Variants in MARS1 observed in about 807,000 individuals in gnomAD.
MARS1 encodes the protein methionyl-tRNA synthetase 1.
MARS1 carries 80 observed loss-of-function variants against 119.5 expected under a neutral mutation model. The ratio of observed to expected loss-of-function variants is 0.67; its 90% confidence interval spans 0.56 to 0.81. MARS1 has a LOEUF of 0.81. Among genes scored for constraint, MARS1 ranks in the 30% least tolerant of loss-of-function variants. MARS1 has a pLI of 0.00. For missense variants in MARS1, 945 were observed against 1,116.5 expected (o/e 0.85, Z 2.19); for synonymous variants, 418 against 433.4 (o/e 0.96, Z 0.44).
At chr12:57,488,867 C>G (rs1875686883) in intron 1 of MARS1, 152 bp from the exon 2 acceptor site, 1 of 766,826 alleles carries the variant, frequency 1.3e-6, no homozygotes, top group African/African-American at 1.8e-5. Flanking sequence ...CCGGACCACC[C>G]CCTTTCAGTG....
intron 11 of MARS1, among the ~76,000 whole-genome samples, chr12:57,507,784 G>A (rs1191244432): frequency 4.1e-4 from 62 of 150,148 alleles, no homozygotes; most frequent in Admixed American, 3.3e-3. Flanking sequence ...CGGACGGGGC[G>A]GCTGGCCGGG....
At chr12:57,505,005 C>T (rs1877115341) in intron 11 of MARS1, among the ~76,000 whole-genome samples, 1 of 151,134 alleles carries the variant, frequency 6.6e-6, no homozygotes, top group Non-Finnish European at 1.5e-5. Context: ...CACTGGGCCA[C>T]CTGACTAATT....
chr12:57,509,659 C>T (rs569015385), intron 11 of MARS1, among the ~76,000 whole-genome samples: 2 of 152,056 alleles, frequency 1.3e-5, no homozygotes, highest in Non-Finnish European at 2.9e-5. Flanking sequence ...ATCTGCCTGC[C>T]TTGGCCTCCC....
At position 57,498,179 on chromosome 12, in the gene MARS1, A is replaced by C. The variant is rs748222969; in HGVS notation, c.793A>C (p.Asn265His). The change falls in exon 8 of 21, where the codon AAT becomes CAT. Residue 265 changes from asparagine (N) to histidine (H), a missense_variant. Asn to His is a moderately conservative substitution (Grantham distance 68). Transcript: ENST00000262027. Reference sequence around the variant, plus strand: ...TAGGTTGCCTGTGGCTGGAGAAAGGAATGTGCTCATCACCAGTGCCCTCCC... The same window carrying C: ...TAGGTTGCCTGTGGCTGGAGAAAGGCATGTGCTCATCACCAGTGCCCTCCC... The part of the protein sequence containing the change: ...NPVLPVAGER[N>H]VLITSALPYV... 2 of 1,613,956 alleles carry C rather than the reference A, an allele frequency of 1.2e-6. No homozygotes were observed. The highest frequency in any genetic ancestry group is 1.7e-5 in the Admixed American group (1 of 60,006).
chr12:57,496,310 C>T (rs557385813), intron 7 of MARS1, among the ~76,000 whole-genome samples: 11 of 151,602 alleles, frequency 7.3e-5, no homozygotes, highest in African/African-American at 4.8e-5. Context: ...ATTACAAGCA[C>T]GCACCACCAG....
intron 7 of MARS1, among the ~76,000 whole-genome samples, chr12:57,493,313 TATATA>T (rs1403160511): frequency 1.0e-4 from 11 of 105,820 alleles, no homozygotes; most frequent in South Asian, 2.4e-4. Context: ...TAATATATAT[TATATA>T]ATATATTATA....
Position 57,511,994 on chromosome 12 carries a change from C to T in MARS1, c.1540-14C>T. On this transcript the variant is annotated splice_polypyrimidine_tract_variant and intron_variant, in intron 12 of 20. Transcript: ENST00000262027. Reference sequence around the variant, plus strand: ...GATTGGTCCCTAACATGTTTACCTCCTTCTGACCTCCAGGTATTCTATGTC... The same window carrying T: ...GATTGGTCCCTAACATGTTTACCTCTTTCTGACCTCCAGGTATTCTATGTC... 6.2e-7 allele frequency: 1 copy of T among 1,613,038 alleles called. No homozygotes were observed. Among genetic ancestry groups the T allele is most frequent in the Non-Finnish European group, 8.5e-7 (1 of 1,178,994 alleles).
intron 7 of MARS1, among the ~76,000 whole-genome samples, chr12:57,493,525 AT>A (rs1236941505): frequency 2.6e-3 from 2 of 784 alleles, no homozygotes; most frequent in Non-Finnish European, 3.9e-3. Context: ...TATATAATAT[AT>A]TATAATATAT....
chr12:57,496,289 G>A (rs867949854), intron 7 of MARS1, among the ~76,000 whole-genome samples: 1 of 150,556 alleles, frequency 6.6e-6, no homozygotes, highest in Non-Finnish European at 1.5e-5. Context: ...TCAGCCCCCC[G>A]AGTAGCTGGG....
At chr12:57,516,119 T>G in intron 19 of MARS1, 126 bp from the exon 20 acceptor site, 2 of 1,369,674 alleles carry the variant, frequency 1.5e-6, no homozygotes, top group Non-Finnish European at 2.1e-6. Context: ...CTTACAGTTT[T>G]TCTTTCCTGT....
intron 11 of MARS1, among the ~76,000 whole-genome samples, chr12:57,508,329 T>C (rs1877329959): frequency 6.6e-6 from 1 of 151,968 alleles, no homozygotes; most frequent in Non-Finnish European, 1.5e-5. Flanking sequence ...GTGGAGGTTG[T>C]AGCGAGCCGA....
At chr12:57,494,093 T>G (rs1852919585) in intron 7 of MARS1, among the ~76,000 whole-genome samples, 1 of 146,296 alleles carries the variant, frequency 6.8e-6, no homozygotes, top group Non-Finnish European at 1.5e-5. Context: ...GTAGCTGGGA[T>G]TACAGGTGCA....
chr12:57,489,826 T>C, intron 4 of MARS1, 70 bp from the exon 5 acceptor site: 2 of 1,392,284 alleles, frequency 1.4e-6, no homozygotes, highest in East Asian at 4.6e-5. Flanking sequence ...CAGTAAATGT[T>C]AGATATTACC....
intron 7 of MARS1, among the ~76,000 whole-genome samples, chr12:57,493,923 AAT>A (rs1352270153): frequency 6.3e-5 from 4 of 63,058 alleles, no homozygotes; most frequent in East Asian, 9.6e-4. Context: ...TAATATATAT[AAT>A]ATATATTATA....
At chr12:57,498,027 C>T (rs1252040369) in intron 7 of MARS1, 130 bp from the exon 8 acceptor site, 1 of 694,848 alleles carries the variant, frequency 1.4e-6, no homozygotes, top group Non-Finnish European at 2.6e-6. Flanking sequence ...GGTTTGTGTG[C>T]AGAAAGACTT....
chr12:57,499,975 G>A, intron 9 of MARS1: 1 of 306,900 alleles, frequency 3.3e-6, no homozygotes, highest in Non-Finnish European at 6.4e-6. Flanking sequence ...GTTTAGTTTA[G>A]CACTTGGACT....
intron 11 of MARS1, among the ~76,000 whole-genome samples, chr12:57,504,695 A>AT (rs34351056): frequency 0.75 from 62,416 of 83,754 alleles, 24,591 homozygotes; most frequent in Non-Finnish European, 0.83. Flanking sequence ...TGCCTGACTG[A>AT]TTTTTTTTTT....
At chr12:57,508,951 A>G (rs1877379752) in intron 11 of MARS1, among the ~76,000 whole-genome samples, 1 of 152,150 alleles carries the variant, frequency 6.6e-6, no homozygotes, top group African/African-American at 2.4e-5. Flanking sequence ...GATCATTCTT[A>G]CCTGAATCAA....
intron 13 of MARS1, 46 bp downstream of exon 13, chr12:57,512,149 G>A (rs775391515): frequency 2.4e-5 from 38 of 1,604,044 alleles, no homozygotes; most frequent in Admixed American, 3.3e-5. Context: ...GTAGGCGGTA[G>A]GGTGTGGGTG....
Sources: allele counts gnomAD v4.1 joint callset (sites outside exome capture counted in the v4.1 genomes callset), GRCh38; gene constraint gnomAD v4.1.1; transcripts MANE v1.5; gene names NCBI Gene and HGNC (gene_info 2026-07-23, HGNC 2026-07-21).